The following ARHGEF7 variants were observed in gnomAD, a reference collection of about 807,000 sequenced individuals.
ARHGEF7 encodes the protein Rho guanine nucleotide exchange factor 7.
A neutral mutation model predicts 109.8 loss-of-function variants in ARHGEF7; 33 were observed. The ratio of observed to expected loss-of-function variants is 0.30; its 90% CI spans 0.23 to 0.40. The LOEUF is 0.40. Among genes scored for constraint, ARHGEF7 ranks in the 10% least tolerant of loss-of-function variants. The pLI, the probability that ARHGEF7 is intolerant of heterozygous loss-of-function variation, is 1.00. For synonymous variants in ARHGEF7, 458 were observed against 424.6 expected (o/e 1.08, Z -0.97); for missense variants, 938 against 1,098.5 (o/e 0.85, Z 2.07).
At chr13:111,282,234 C>T (rs80340506) in intron 15 of ARHGEF7, among the ~76,000 whole-genome samples, 3,256 of 152,280 alleles carry the variant, frequency 0.021, 119 homozygotes, top group African/African-American at 0.075. Flanking sequence ...CGCGCACTTC[C>T]TCAGAATGCC....
At chr13:111,274,140 ATCTC>A (rs2092344034) in intron 10 of ARHGEF7, among the ~76,000 whole-genome samples, 188 bp downstream of exon 10, 1 of 152,164 alleles carries the variant, frequency 6.6e-6, no homozygotes, top group African/African-American at 2.4e-5. Flanking sequence ...TTTACCCCTT[ATCTC>A]TCTTTTACCC....
intron 5 of ARHGEF7, among the ~76,000 whole-genome samples, chr13:111,223,385 C>T (rs1238133492): frequency 6.6e-6 from 1 of 152,170 alleles, no homozygotes; most frequent in African/African-American, 2.4e-5. Flanking sequence ...ACACTGACTT[C>T]CTTTAAATTG....
chr13:111,168,225 G>A (rs1036016978), intron 2 of ARHGEF7, among the ~76,000 whole-genome samples: 6 of 149,632 alleles, frequency 4.0e-5, no homozygotes, highest in Non-Finnish European at 8.9e-5. Flanking sequence ...CTGCTTCTCT[G>A]CCTCTGCCGC....
At chr13:111,218,617 G>T (rs2083431596) in intron 5 of ARHGEF7, among the ~76,000 whole-genome samples, 1 of 152,026 alleles carries the variant, frequency 6.6e-6, no homozygotes, top group Non-Finnish European at 1.5e-5. Context: ...GAGAATAGCT[G>T]ATACACAGGG....
intron 5 of ARHGEF7, among the ~76,000 whole-genome samples, chr13:111,218,432 T>A (rs2083404016): frequency 6.6e-6 from 1 of 152,176 alleles, no homozygotes; most frequent in African/African-American, 2.4e-5. Context: ...TGGCTATGGC[T>A]GCCGGGCTGT....
chr13:111,233,550 G>A (rs183148707), intron 6 of ARHGEF7, among the ~76,000 whole-genome samples: 135 of 152,228 alleles, frequency 8.9e-4, no homozygotes, highest in African/African-American at 3.0e-3. Context: ...AGTAATGTGC[G>A]TGTTTCCCCA....
chr13:111,216,032 T>A (rs2083089315), intron 4 of ARHGEF7, among the ~76,000 whole-genome samples: 1 of 152,188 alleles, frequency 6.6e-6, no homozygotes, highest in Non-Finnish European at 1.5e-5. Context: ...TTTTTTGTCT[T>A]TAGTTTTCAG....
chr13:111,248,180 A>G (rs923417291), intron 8 of ARHGEF7, among the ~76,000 whole-genome samples: 8 of 151,866 alleles, frequency 5.3e-5, no homozygotes, highest in African/African-American at 1.9e-4. Context: ...AACTCTGGGT[A>G]ACAGATTTGT....
intron 1 of ARHGEF7, among the ~76,000 whole-genome samples, chr13:111,146,527 G>C (rs924066903): frequency 3.3e-5 from 5 of 152,222 alleles, no homozygotes; most frequent in Admixed American, 6.5e-5. Context: ...TGCAGAATCA[G>C]AATCTCCCTG....
At chr13:111,117,659 TC>T (rs1461825635) in intron 1 of ARHGEF7, among the ~76,000 whole-genome samples, 7 of 152,126 alleles carry the variant, frequency 4.6e-5, no homozygotes, top group African/African-American at 1.7e-4. Context: ...TATCTGGGTT[TC>T]TTTCTTTCTT....
chr13:111,267,153 G>A (rs566424582), intron 8 of ARHGEF7, among the ~76,000 whole-genome samples: 3 of 152,328 alleles, frequency 2.0e-5, no homozygotes, highest in African/African-American at 7.2e-5. Context: ...GGCGGTTTTT[G>A]TATTTTTTGT....
intron 2 of ARHGEF7, among the ~76,000 whole-genome samples, chr13:111,189,672 C>G (rs2079643712): frequency 6.6e-6 from 1 of 152,188 alleles, no homozygotes; most frequent in African/African-American, 2.4e-5. Flanking sequence ...CTTTTATTCC[C>G]TTATTTGGCC....
chr13:111,215,638 C>T (rs985861585), intron 4 of ARHGEF7, among the ~76,000 whole-genome samples: 2 of 152,146 alleles, frequency 1.3e-5, no homozygotes, highest in Non-Finnish European at 2.9e-5. Context: ...TAGTAATTCT[C>T]GTTTCTTTGT....
At chr13:111,292,996 C>G (rs999746380) in intron 19 of ARHGEF7, 12 of 985,412 alleles carry the variant, frequency 1.2e-5, no homozygotes, top group Non-Finnish European at 1.1e-5. Flanking sequence ...TGGGAGCTCT[C>G]CTTTCCAAAG....
At chr13:111,267,701 A>T in intron 9 of ARHGEF7, 31 bp downstream of exon 9, 2 of 1,611,684 alleles carry the variant, frequency 1.2e-6, no homozygotes, top group Non-Finnish European at 1.7e-6. Context: ...GGCAACAGGG[A>T]GGGTGGATGG....
At chr13:111,183,841 A>G (rs1455769026) in intron 2 of ARHGEF7, among the ~76,000 whole-genome samples, 1 of 152,138 alleles carries the variant, frequency 6.6e-6, no homozygotes, top group African/African-American at 2.4e-5. Context: ...TTGACTTGTC[A>G]TCTTAGACTT....
chr13:111,153,602 G>A (rs1412276090), intron 1 of ARHGEF7: 6 of 1,145,470 alleles, frequency 5.2e-6, no homozygotes, highest in African/African-American at 1.6e-5. Flanking sequence ...GACGCTATCC[G>A]AAGACGTCCC....
intron 6 of ARHGEF7, among the ~76,000 whole-genome samples, chr13:111,238,501 A>G (rs2087164246): frequency 6.6e-6 from 1 of 152,190 alleles, no homozygotes; most frequent in South Asian, 2.1e-4. Flanking sequence ...CTGTTTGTAA[A>G]CTGGAATCCC....
upstream of ARHGEF7, chr13:111,115,099 C>T (rs997166594): frequency 1.3e-5 from 2 of 150,352 alleles, no homozygotes; most frequent in Non-Finnish European, 3.0e-5. Context: ...CGGCTCCCTC[C>T]CCATCCGCTC....
Sources: allele counts gnomAD v4.1 joint callset (sites outside exome capture counted in the v4.1 genomes callset), GRCh38; gene constraint gnomAD v4.1.1; transcripts MANE v1.5; gene names NCBI Gene and HGNC (gene_info 2026-07-23, HGNC 2026-07-21).